Variants in C17orf75 observed in about 807,000 individuals in gnomAD.
The protein encoded by C17orf75 is protein Njmu-R1.
C17orf75 carries 32 observed loss-of-function variants against 49.6 expected under a neutral mutation model. The observed-to-expected ratio is 0.65, with a 90% CI of 0.49 to 0.87. C17orf75 has a LOEUF of 0.87. Ranked by LOEUF, C17orf75 falls within the 40% of genes least tolerant of loss-of-function variation. The probability of loss-of-function intolerance (pLI) is 0.00; values close to 1 mark genes in which losing one functional copy is unlikely to be tolerated. For missense variants in C17orf75, 428 were observed against 473.9 expected, an observed-to-expected ratio of 0.90 and a Z score of 0.90; for synonymous variants, 158 against 159.5, an observed-to-expected ratio of 0.99 and a Z score of 0.07.
In C17orf75 at chr17:32,334,826, G is replaced by A; in HGVS notation, c.683C>T (p.Thr228Ile). The A allele has an allele frequency of 6.2e-7, 1 of 1,609,998 alleles. No individual in the cohort carries two copies. Among genetic ancestry groups the A allele is most frequent in the Non-Finnish European group, 8.5e-7 (1 of 1,177,902 alleles). The change falls in exon 7 of 10, where the codon ACT (threonine) becomes ATT (isoleucine). Residue 228 changes from threonine (T) to isoleucine (I), a missense_variant. Coordinates refer to ENST00000577809, the MANE Select transcript of C17orf75 (RefSeq NM_022344.4). ...ATCTGATTCTTTAACTTCAACAGGAGTGTAACTCAAAGCCTATGAGAGAAA... is the reference window on the plus strand; with the variant it reads ...ATCTGATTCTTTAACTTCAACAGGAATGTAACTCAAAGCCTATGAGAGAAA... ...TFLLHAALSYTPVEVKESDEK... is the reference protein window; with the variant it reads ...TFLLHAALSYIPVEVKESDEK...
upstream of C17orf75, among the ~76,000 whole-genome samples, chr17:32,342,937 T>C (rs2041395060): frequency 6.6e-6 from 1 of 152,240 alleles, no homozygotes; most frequent in African/African-American, 2.4e-5. Context: ...CAGTCCATTT[T>C]ATGATGCTAT....
At chr17:32,342,198 G>A (rs939785707), upstream of C17orf75, 4 of 1,456,174 alleles carry the variant, frequency 2.7e-6, no homozygotes, top group Non-Finnish European at 3.6e-6. Flanking sequence ...CTCCCGTGCA[G>A]CCGTCGGTAT....
At chr17:32,340,001 A>G in intron 2 of C17orf75, 63 bp from the exon 3 acceptor site, 1 of 1,588,880 alleles carries the variant, frequency 6.3e-7, no homozygotes, top group Non-Finnish European at 8.6e-7. Context: ...CCATTAAGTC[A>G]GACAGAATGG....
At chr17:32,334,168 C>T (rs1404125898) in intron 8 of C17orf75, among the ~76,000 whole-genome samples, 1 of 152,106 alleles carries the variant, frequency 6.6e-6, no homozygotes, top group Non-Finnish European at 1.5e-5. Context: ...TGTTGATAAA[C>T]ACTTAAATTG....
At chr17:32,349,960 T>C (rs2041468809) in exon 1 of C17orf75, 5 of 1,162,166 alleles carry the variant, frequency 4.3e-6, no homozygotes, top group South Asian at 2.3e-5. Flanking sequence ...CCGGCTCCTT[T>C]ACAAATGAAA....
intron 5 of C17orf75, among the ~76,000 whole-genome samples, chr17:32,336,964 G>A (rs751086640): frequency 2.0e-5 from 3 of 151,988 alleles, no homozygotes; most frequent in Non-Finnish European, 4.4e-5. Context: ...GACAAGCCTG[G>A]GCAATATGGC....
upstream of C17orf75, among the ~76,000 whole-genome samples, chr17:32,344,985 A>G (rs192720026): frequency 2.0e-5 from 3 of 152,288 alleles, no homozygotes; most frequent in East Asian, 5.8e-4. Flanking sequence ...TTCTATTCTT[A>G]TCTGGATTTC....
At chr17:32,333,609 T>A in intron 8 of C17orf75, 89 bp from the exon 9 acceptor site, 1 of 1,221,500 alleles carries the variant, frequency 8.2e-7, no homozygotes, top group South Asian at 1.3e-5. Context: ...TCGCTCTTGT[T>A]GCCCGGCTGG....
Position 32,338,339 on chromosome 17 carries a change from G to T in C17orf75, c.360C>A (p.Tyr120Ter). The change falls in exon 4 of 10, where the codon TAC (tyrosine) becomes TAA (stop). Residue 120 changes from tyrosine to a stop codon, truncating the protein, a stop_gained. Coordinates refer to ENST00000577809, the MANE Select transcript of C17orf75 (RefSeq NM_022344.4). LOFTEE classifies it high-confidence loss of function. ...AAAGGCAGTAATAACAACCAACTCGGTAACCTGGAATTCTAGAAAAGAAAG... is the reference window on the plus strand; with the variant it reads ...AAAGGCAGTAATAACAACCAACTCGTTAACCTGGAATTCTAGAAAAGAAAG... ...VASVELKIPG[Y>*]RVGCYYCLFQ... 6.2e-7 allele frequency: 1 copy of T among 1,601,014 alleles called. No individual in the cohort carries two copies. The highest frequency in any genetic ancestry group is 8.5e-7 in the Non-Finnish European group (1 of 1,176,810).
chr17:32,337,478 C>T (rs2041336860), intron 5 of C17orf75, among the ~76,000 whole-genome samples: 1 of 151,994 alleles, frequency 6.6e-6, no homozygotes. Context: ...AAAAAAAATT[C>T]ACCTCTCTAC....
chr17:32,334,722 G>A, intron 7 of C17orf75, 53 bp downstream of exon 7: 1 of 1,566,300 alleles, frequency 6.4e-7, no homozygotes, highest in South Asian at 1.2e-5. Context: ...TACAAACACA[G>A]ATGTCAATCT....
At chr17:32,346,119 A>ATAAACTCACTAC (rs1418967553), upstream of C17orf75, among the ~76,000 whole-genome samples, 4 of 152,072 alleles carry the variant, frequency 2.6e-5, 1 homozygote, top group Non-Finnish European at 5.9e-5. Flanking sequence ...TTGCTTATCT[A>ATAAACTCACTAC]TAAACTCACT....
In C17orf75 at chr17:32,338,228, C is replaced by T. The variant is rs748598075; in HGVS notation, c.471G>A (p.Gly157=). 39 of 1,610,840 alleles carry T rather than the reference C, an allele frequency of 2.4e-5. No homozygotes were observed. Among genetic ancestry groups the T allele is most frequent in the Non-Finnish European group, 3.1e-5 (36 of 1,179,258 alleles). The part of the protein sequence containing the change: ...PSEYVVCFLG[G]SEKGLELFRL... ...GATATAGCTCAAGTCCTTTTTCAGA[C>T]CCTCCTAAAAAACAGACCACATATT... The change falls in exon 4 of 10, where the codon GGG becomes GGA. Residue 157 remains glycine (G), a synonymous_variant. Transcript: ENST00000577809.
At chr17:32,344,026 C>G (rs957890492), upstream of C17orf75, 2 of 676,714 alleles carry the variant, frequency 3.0e-6, no homozygotes, top group Non-Finnish European at 5.4e-6. Flanking sequence ...AGAACCAAAA[C>G]TGGGTGCATT....
intron 2 of C17orf75, 100 bp from the exon 3 acceptor site, chr17:32,340,038 A>G (rs1597737315): frequency 6.9e-7 from 1 of 1,440,206 alleles, no homozygotes; most frequent in East Asian, 2.3e-5. Flanking sequence ...TCTTTTAAGG[A>G]CTGGGGAAAG....
chr17:32,337,120 C>A (rs2041333092), intron 5 of C17orf75, among the ~76,000 whole-genome samples: 1 of 151,820 alleles, frequency 6.6e-6, no homozygotes, highest in Non-Finnish European at 1.5e-5. Flanking sequence ...GCACTCCAGC[C>A]TGGGTGATAG....
chr17:32,331,553 T>G lies in C17orf75; in HGVS notation c.*210A>C. The G allele has an allele frequency of 2.2e-6, 1 of 461,998 alleles. No individual in the cohort carries two copies. The highest frequency in any genetic ancestry group is 3.8e-6 in the Non-Finnish European group (1 of 263,000). 28.6% of individuals were successfully genotyped at this position (461,998 alleles called of 1,614,324 possible). A position where few individuals can be genotyped will look rare whatever the true frequency, so the allele number is the denominator to read the frequency against. On this transcript the variant is annotated 3_prime_UTR_variant, in exon 10 of 10. Coordinates refer to ENST00000577809, the MANE Select transcript of C17orf75 (RefSeq NM_022344.4). ...ATGGGGCCAGTGAGACACTAAAATT[T>G]CACAACTCTCACATACATTATCTAT...
chr17:32,343,614 T>C, upstream of C17orf75: 1 of 464,396 alleles, frequency 2.2e-6, no homozygotes, highest in South Asian at 3.1e-5. Flanking sequence ...AGGTACTCAT[T>C]TGATGAACAA....
At chr17:32,343,839 T>G (rs866926504), upstream of C17orf75, 8 of 675,472 alleles carry the variant, frequency 1.2e-5, no homozygotes, top group Non-Finnish European at 2.2e-5. Flanking sequence ...ATATACTTGA[T>G]TTTAGTTTTA....
Sources: gnomAD v4.1 joint callset for allele counts (sites outside exome capture counted in the v4.1 genomes callset) on GRCh38, gnomAD v4.1.1 for gene constraint, MANE v1.5 for transcripts, NCBI Gene and HGNC (gene_info 2026-07-23, HGNC 2026-07-21) for gene names.